IL1RAPL1: variants seen among roughly 807,000 people sequenced by gnomAD.
IL1RAPL1 encodes the protein interleukin-1 receptor accessory protein-like 1.
Under a neutral mutation model 48.4 loss-of-function variants are expected in IL1RAPL1, and 3 were observed. The ratio of observed to expected loss-of-function variants is 0.06; its 90% CI spans 0.03 to 0.16. IL1RAPL1 has a LOEUF of 0.16. Ranked by LOEUF, IL1RAPL1 falls within the 10% of genes least tolerant of loss-of-function variation. IL1RAPL1 has a pLI of 1.00. For synonymous variants in IL1RAPL1, 185 were observed against 187.7 expected, an observed-to-expected ratio of 0.99 and a Z score of 0.12; for missense variants, 349 against 530.6, an observed-to-expected ratio of 0.66 and a Z score of 3.36.
intron 2 of IL1RAPL1, among the ~76,000 whole-genome samples, chrX:28,979,703 A>G (rs1925284351): frequency 8.9e-6 from 1 of 112,362 alleles, no homozygotes; most frequent in African/African-American, 3.2e-5. Flanking sequence ...CAGAAGAATT[A>G]CCAGCACACT....
intron 6 of IL1RAPL1, among the ~76,000 whole-genome samples, chrX:29,686,559 A>C (rs1234287067): frequency 1.1e-5 from 1 of 88,915 alleles, no homozygotes; most frequent in Non-Finnish European, 2.2e-5. Context: ...TTATTTATTT[A>C]TTTATTTATT....
chrX:29,897,598 T>A (rs1289715897), intron 6 of IL1RAPL1, among the ~76,000 whole-genome samples: 4 of 112,290 alleles, frequency 3.6e-5, no homozygotes, highest in African/African-American at 1.3e-4. Context: ...ATGGAAATAG[T>A]GGAGCTAGTT....
chrX:29,075,932 A>G (rs2147443850), intron 2 of IL1RAPL1, among the ~76,000 whole-genome samples: 1 of 111,827 alleles, frequency 8.9e-6, no homozygotes, highest in Non-Finnish European at 1.9e-5. Context: ...TCACTGGAGT[A>G]TACTTGAAAC....
intron 2 of IL1RAPL1, among the ~76,000 whole-genome samples, chrX:28,968,894 G>T (rs1311098533): frequency 1.8e-5 from 2 of 112,791 alleles, no homozygotes; most frequent in South Asian, 7.2e-4. Flanking sequence ...GAAGTGATTA[G>T]TAGTCAGACT....
intron 5 of IL1RAPL1, among the ~76,000 whole-genome samples, chrX:29,402,162 C>T (rs1192778531): frequency 1.8e-5 from 2 of 111,594 alleles, no homozygotes; most frequent in Non-Finnish European, 1.9e-5. Flanking sequence ...AAAGATGTTA[C>T]GGCACCATCT....
chrX:28,616,602 T>G (rs1934222175), intron 1 of IL1RAPL1, among the ~76,000 whole-genome samples: 1 of 110,703 alleles, frequency 9.0e-6, no homozygotes, highest in Non-Finnish European at 1.9e-5. Context: ...CCTGGCTAAT[T>G]TTTGTATTTT....
chrX:29,733,999 T>A (rs762798487), intron 6 of IL1RAPL1, among the ~76,000 whole-genome samples: 1 of 112,956 alleles, frequency 8.9e-6, no homozygotes. Context: ...TGCTCAAAGT[T>A]TCTTTCTGCG....
At chrX:28,607,663 G>A (rs1166519097) in intron 1 of IL1RAPL1, among the ~76,000 whole-genome samples, 1 of 110,863 alleles carries the variant, frequency 9.0e-6, no homozygotes, top group Non-Finnish European at 1.9e-5. Context: ...TTTTTTTCAA[G>A]CATTTTTATT....
intron 5 of IL1RAPL1, among the ~76,000 whole-genome samples, chrX:29,602,004 A>G (rs946315922): frequency 1.8e-5 from 2 of 111,274 alleles, no homozygotes; most frequent in African/African-American, 6.5e-5. Flanking sequence ...TTTTTTTGAG[A>G]CGGAGTCTCA....
At chrX:29,686,756 A>C (rs1238648780) in intron 6 of IL1RAPL1, among the ~76,000 whole-genome samples, 2 of 108,154 alleles carry the variant, frequency 1.8e-5, no homozygotes, top group Non-Finnish European at 3.8e-5. Context: ...ACGGGGTTTC[A>C]CCATGTTAGC....
intron 5 of IL1RAPL1, among the ~76,000 whole-genome samples, chrX:29,521,570 T>C (rs1165821263): frequency 1.8e-5 from 2 of 112,555 alleles, no homozygotes; most frequent in Non-Finnish European, 3.8e-5. Context: ...CCCTTGCACT[T>C]CCAGAATCCT....
At chrX:29,686,520 C>T (rs1926621570) in intron 6 of IL1RAPL1, among the ~76,000 whole-genome samples, 1 of 101,514 alleles carries the variant, frequency 9.9e-6, no homozygotes, top group Non-Finnish European at 2.0e-5. Context: ...CCTGCCTCCC[C>T]CCACCCCCCT....
At chrX:29,137,255 C>A (rs1044618653) in intron 2 of IL1RAPL1, among the ~76,000 whole-genome samples, 2 of 33,942 alleles carry the variant, frequency 5.9e-5, no homozygotes, top group Non-Finnish European at 9.7e-5. Context: ...CACACACTTG[C>A]GCTCACACAC....
chrX:28,650,752 C>T lies in IL1RAPL1; in HGVS notation c.-25+62705C>T, dbSNP rs761706850. ...AAAAGGTAGTTTTTATTAGCCCCAC[C>T]TGTGCAATTTCACTTGAAGACATCT... On this transcript the variant is annotated intron_variant, in intron 1 of 10. Coordinates refer to ENST00000378993, the MANE Select transcript of IL1RAPL1 (RefSeq NM_014271.4). Among the ~76,000 whole-genome samples, 5 of 111,721 alleles carry T rather than the reference C, an allele frequency of 4.5e-5. No individual in the cohort carries two copies. The South Asian group carries it at 1.9e-3, about 42-fold the overall frequency.
intron 9 of IL1RAPL1, among the ~76,000 whole-genome samples, chrX:29,950,466 T>C (rs1380542885): frequency 9.0e-6 from 1 of 111,309 alleles, no homozygotes; most frequent in Non-Finnish European, 1.9e-5. Context: ...TATATCCTGT[T>C]CTAGAACAGA....
chrX:28,717,352 A>C (rs1456098847), intron 1 of IL1RAPL1, among the ~76,000 whole-genome samples: 2 of 111,938 alleles, frequency 1.8e-5, no homozygotes, highest in Non-Finnish European at 3.8e-5. Context: ...TTGTAGGGAC[A>C]TGGATGGAAC....
At chrX:29,475,997 C>A (rs1934969544) in intron 5 of IL1RAPL1, among the ~76,000 whole-genome samples, 1 of 111,337 alleles carries the variant, frequency 9.0e-6, no homozygotes, top group Admixed American at 9.6e-5. Context: ...AAGAATAATT[C>A]ATTGTAGAGT....
rs750871967 is a variant in IL1RAPL1 at position 29,633,699 on chromosome X, C to G, written c.704-34731C>G. Reference sequence around the variant, plus strand: ...TGGAGGCTTGTGGAGAGAATCTGTTCTATGCCTGTATTCCTAGCGTCTAGT... The same window carrying G: ...TGGAGGCTTGTGGAGAGAATCTGTTGTATGCCTGTATTCCTAGCGTCTAGT... On this transcript the variant is annotated intron_variant, in intron 5 of 10. Coordinates refer to ENST00000378993, the MANE Select transcript of IL1RAPL1 (RefSeq NM_014271.4). 3.6e-5 allele frequency among the ~76,000 whole-genome samples: 4 copies of G among 111,320 alleles called. No individual in the cohort carries two copies. In the South Asian group the frequency reaches 1.5e-3, roughly 42 times the overall value.
Position 29,490,215 on chromosome X carries a change from T to TA in IL1RAPL1, c.703+90916dup, listed in dbSNP as rs200111189. Among the ~76,000 whole-genome samples, 494 of 109,238 alleles carry TA rather than the reference T, an allele frequency of 4.5e-3. 4 individuals are homozygous for TA. The highest frequency in any genetic ancestry group is 0.045 in the East Asian group (157 of 3,496). 94.9% of individuals were successfully genotyped at this position (109,238 alleles called of 115,157 possible). A position where few individuals can be genotyped will look rare whatever the true frequency, so the allele number is the denominator to read the frequency against. On this transcript the variant is annotated intron_variant, in intron 5 of 10. Coordinates refer to ENST00000378993, the MANE Select transcript of IL1RAPL1 (RefSeq NM_014271.4). ...AATATATTAAAATAAAATTAAAATT[T>TA]AAAAAAAAAGCCATAAAAAGGTAAT...
Sources: allele counts gnomAD v4.1 joint callset (sites outside exome capture counted in the v4.1 genomes callset), GRCh38; gene constraint gnomAD v4.1.1; transcripts MANE v1.5; gene names NCBI Gene and HGNC (gene_info 2026-07-23, HGNC 2026-07-21).